SGCZ: variants seen among roughly 807,000 people sequenced by gnomAD.
The protein encoded by SGCZ is sarcoglycan zeta, also known as zeta-sarcoglycan.
Under a neutral mutation model 41.3 loss-of-function variants are expected in SGCZ, and 40 were observed. The observed-to-expected ratio is 0.97, with a 90% confidence interval of 0.75 to 1.26. The LOEUF (loss-of-function observed/expected upper bound fraction) is 1.26, where lower values mean the gene tolerates loss of function less well. SGCZ is among the 50% of genes most tolerant of loss of function. SGCZ has a pLI of 0.00. For missense variants in SGCZ, 552 were observed against 369.8 expected, an observed-to-expected ratio of 1.49 and a Z score of -4.04; for synonymous variants, 206 against 137.5, an observed-to-expected ratio of 1.50 and a Z score of -3.49.
intron 2 of SGCZ, among the ~76,000 whole-genome samples, chr8:14,341,094 A>G (rs1802689411): frequency 6.6e-6 from 1 of 152,184 alleles, no homozygotes; most frequent in African/African-American, 2.4e-5. Flanking sequence ...ATGTTGTAGC[A>G]TGTGTCAAAA....
chr8:15,097,250 A>T (rs539139159), intron 1 of SGCZ, among the ~76,000 whole-genome samples: 35 of 152,186 alleles, frequency 2.3e-4, no homozygotes, highest in Non-Finnish European at 3.1e-4. Flanking sequence ...ACATACTTGT[A>T]ATATTTACTC....
chr8:14,957,023 G>A (rs527401471), intron 1 of SGCZ, among the ~76,000 whole-genome samples: 115 of 151,798 alleles, frequency 7.6e-4, no homozygotes, highest in African/African-American at 2.7e-3. Flanking sequence ...TAGCACGATA[G>A]AAAAAAACAA....
chr8:14,968,967 G>A (rs561714170), intron 1 of SGCZ, among the ~76,000 whole-genome samples: 1 of 152,066 alleles, frequency 6.6e-6, no homozygotes, highest in East Asian at 1.9e-4. Context: ...GTGTAAAAAA[G>A]CATTTTCTTT....
intron 2 of SGCZ, among the ~76,000 whole-genome samples, chr8:14,446,071 C>A (rs114416098): frequency 6.6e-6 from 1 of 152,140 alleles, no homozygotes; most frequent in Non-Finnish European, 1.5e-5. Flanking sequence ...CAAGAAAAAT[C>A]CTGAATCAGT....
chr8:15,152,640 A>G (rs1244963803), intron 1 of SGCZ, among the ~76,000 whole-genome samples: 1 of 152,150 alleles, frequency 6.6e-6, no homozygotes, highest in Admixed American at 6.5e-5. Flanking sequence ...GAGAATATAA[A>G]TCACACTCCT....
intron 1 of SGCZ, among the ~76,000 whole-genome samples, chr8:14,981,089 T>A (rs1439040878): frequency 6.6e-6 from 1 of 152,076 alleles, no homozygotes; most frequent in Admixed American, 6.6e-5. Flanking sequence ...TGCTCAGAAA[T>A]CTCCTACCAA....
chr8:14,598,210 G>A (rs1032309041), intron 1 of SGCZ, among the ~76,000 whole-genome samples: 9 of 151,958 alleles, frequency 5.9e-5, no homozygotes, highest in African/African-American at 2.2e-4. Context: ...TTCATTTCAA[G>A]TGGGGCATTT....
chr8:15,205,551 G>C (rs767792613), intron 1 of SGCZ, among the ~76,000 whole-genome samples: 2 of 152,090 alleles, frequency 1.3e-5, no homozygotes, highest in Non-Finnish European at 2.9e-5. Flanking sequence ...AAACCACAGA[G>C]AGATACCATC....
chr8:14,369,021 A>ATGTGTGTGTGTGTG lies in SGCZ; in HGVS notation c.235-44831_235-44818dup, dbSNP rs10655274. Among the ~76,000 whole-genome samples, 1,433 of 145,502 alleles carry ATGTGTGTGTGTGTG rather than the reference A, an allele frequency of 9.8e-3. 10 individuals are homozygous for ATGTGTGTGTGTGTG. Among genetic ancestry groups the ATGTGTGTGTGTGTG allele is most frequent in the East Asian group, 0.019 (92 of 4,954 alleles). ...TGTCAGAAAACAGAGGCAAATGTAA[A>ATGTGTGTGTGTGTG]TGTGTGTGTGTGTGTGTGTGTGTGT... is the stretch of plus-strand genomic sequence containing the variant. On this transcript the variant is annotated intron_variant, in intron 2 of 7. Transcript: ENST00000382080.
chr8:14,920,186 A>G (rs1161117399), intron 1 of SGCZ, among the ~76,000 whole-genome samples: 1 of 152,128 alleles, frequency 6.6e-6, no homozygotes, highest in Non-Finnish European at 1.5e-5. Context: ...GACACTGTGG[A>G]GGGCTGGGAT....
chr8:14,653,243 C>T (rs1743338962), intron 1 of SGCZ, among the ~76,000 whole-genome samples: 2 of 151,992 alleles, frequency 1.3e-5, no homozygotes. Flanking sequence ...TGACCTGTGT[C>T]AATTCTGGTT....
At chr8:14,680,422 A>G (rs1335122328) in intron 1 of SGCZ, among the ~76,000 whole-genome samples, 4 of 152,250 alleles carry the variant, frequency 2.6e-5, no homozygotes, top group South Asian at 2.1e-4. Flanking sequence ...GATGTTTACA[A>G]TGGGGAAACT....
rs1325509350 is a variant in SGCZ at position 14,946,424 on chromosome 8, T to C, written c.39+291161A>G. ...TCATTTCTAACTGCCCTGTAGCCAA[T>C]AGCAGCAGGGTGGTTTTTGCACACA... is the stretch of plus-strand genomic sequence containing the variant. On this transcript the variant is annotated intron_variant, in intron 1 of 7. Coordinates refer to ENST00000382080, the MANE Select transcript of SGCZ (RefSeq NM_139167.4). 4.6e-5 allele frequency among the ~76,000 whole-genome samples: 7 copies of C among 152,110 alleles called. No individual in the cohort carries two copies. In the South Asian group the frequency reaches 8.3e-4, roughly 18 times the overall value.
chr8:15,212,034 G>A (rs1285823230), intron 1 of SGCZ, among the ~76,000 whole-genome samples: 1 of 152,084 alleles, frequency 6.6e-6, no homozygotes, highest in African/African-American at 2.4e-5. Context: ...TAGTCAAGTT[G>A]CTCACAATAC....
chr8:14,457,793 G>T (rs1269310711), intron 2 of SGCZ, among the ~76,000 whole-genome samples: 2 of 152,140 alleles, frequency 1.3e-5, no homozygotes, highest in Non-Finnish European at 2.9e-5. Flanking sequence ...TATAATTGGA[G>T]GTGACTCACA....
intron 2 of SGCZ, among the ~76,000 whole-genome samples, chr8:14,376,564 T>C (rs1417679609): frequency 6.6e-6 from 1 of 152,088 alleles, no homozygotes; most frequent in Non-Finnish European, 1.5e-5. Context: ...CAGACCCAGA[T>C]GGTTTTTCAA....
At chr8:15,176,884 C>T (rs1005092115) in intron 1 of SGCZ, among the ~76,000 whole-genome samples, 1 of 152,078 alleles carries the variant, frequency 6.6e-6, no homozygotes, top group Non-Finnish European at 1.5e-5. Context: ...GCCTGTAGTC[C>T]CAGCTACTCA....
intron 1 of SGCZ, among the ~76,000 whole-genome samples, chr8:14,901,247 G>T (rs1232364368): frequency 1.3e-5 from 2 of 152,096 alleles, no homozygotes. Flanking sequence ...AGAAATAATT[G>T]CTCCATAAAA....
intron 2 of SGCZ, among the ~76,000 whole-genome samples, chr8:14,340,933 C>G (rs1394493910): frequency 6.6e-6 from 1 of 152,034 alleles, no homozygotes; most frequent in African/African-American, 2.4e-5. Context: ...CATTAAACAA[C>G]AACTCCTGAA....
Sources: allele counts gnomAD v4.1 joint callset (sites outside exome capture counted in the v4.1 genomes callset), GRCh38; gene constraint gnomAD v4.1.1; transcripts MANE v1.5; gene names NCBI Gene and HGNC (gene_info 2026-07-23, HGNC 2026-07-21).